Variants in CA10 observed in about 807,000 individuals in gnomAD.
CA10 encodes the protein carbonic anhydrase 10 (inactive), also known as carbonic anhydrase-related protein 10.
CA10 carries 14 observed loss-of-function variants against 44.2 expected under a neutral mutation model. That is an observed-to-expected ratio of 0.32 (90% CI 0.21 to 0.50). CA10 has a LOEUF of 0.50. Among genes scored for constraint, CA10 ranks in the 20% least tolerant of loss-of-function variants. The pLI is 0.99. For synonymous variants in CA10, 159 were observed against 141.6 expected (o/e 1.12, Z -0.87); for missense variants, 350 against 409.7 (o/e 0.85, Z 1.26).
chr17:51,947,034 A>G (rs907604288), intron 2 of CA10, among the ~76,000 whole-genome samples: 1 of 152,136 alleles, frequency 6.6e-6, no homozygotes, highest in Non-Finnish European at 1.5e-5. Context: ...TGATAAGCAG[A>G]GAGAAAAACA....
chr17:52,079,236 A>C (rs1333621502), intron 1 of CA10, among the ~76,000 whole-genome samples: 1 of 152,156 alleles, frequency 6.6e-6, no homozygotes, highest in Non-Finnish European at 1.5e-5. Context: ...CAGTGAGCCG[A>C]GATTGCACCA....
chr17:52,157,596 G>T, intron 1 of CA10, 130 bp downstream of exon 1: 1 of 780,244 alleles, frequency 1.3e-6, no homozygotes, highest in Non-Finnish European at 2.2e-6. Flanking sequence ...TCTGAAGGCG[G>T]CAAACCCGCA....
At chr17:51,687,695 G>T (rs1915053256) in intron 4 of CA10, among the ~76,000 whole-genome samples, 2 of 152,130 alleles carry the variant, frequency 1.3e-5, no homozygotes, top group African/African-American at 4.8e-5. Flanking sequence ...TATATTTTGA[G>T]ATTATTTACT....
At chr17:51,772,077 T>C (rs1905633266) in intron 3 of CA10, among the ~76,000 whole-genome samples, 1 of 152,208 alleles carries the variant, frequency 6.6e-6, no homozygotes, top group South Asian at 2.1e-4. Context: ...CCTACTTACT[T>C]TCCTCTATTT....
chr17:51,661,420 G>C (rs1019868987), intron 4 of CA10, among the ~76,000 whole-genome samples: 25 of 152,134 alleles, frequency 1.6e-4, no homozygotes, highest in African/African-American at 5.8e-4. Context: ...TGCAAAGCCT[G>C]GTTTCACCCT....
intron 4 of CA10, among the ~76,000 whole-genome samples, chr17:51,682,472 G>A (rs2143395093): frequency 6.6e-6 from 1 of 152,288 alleles, no homozygotes; most frequent in East Asian, 1.9e-4. Context: ...GGCAGAAGGT[G>A]GGTTTTATAA....
At chr17:51,935,521 A>G (rs566640116) in intron 2 of CA10, among the ~76,000 whole-genome samples, 1 of 152,328 alleles carries the variant, frequency 6.6e-6, no homozygotes, top group East Asian at 1.9e-4. Context: ...AACAGACCCA[A>G]ATATTTTTGC....
chr17:51,783,704 G>T (rs1447055844), intron 3 of CA10, among the ~76,000 whole-genome samples: 2 of 152,192 alleles, frequency 1.3e-5, no homozygotes, highest in Non-Finnish European at 2.9e-5. Flanking sequence ...TTAAAGGGGG[G>T]TCCTTTTCCT....
At chr17:51,694,514 T>A (rs1363427087) in intron 4 of CA10, among the ~76,000 whole-genome samples, 1 of 151,078 alleles carries the variant, frequency 6.6e-6, no homozygotes, top group African/African-American at 2.5e-5. Context: ...TTTTTTTGCT[T>A]CTTCGGTTGT....
At chr17:51,989,502 A>T (rs1295238247) in intron 2 of CA10, among the ~76,000 whole-genome samples, 1 of 152,080 alleles carries the variant, frequency 6.6e-6, no homozygotes, top group African/African-American at 2.4e-5. Context: ...CACATGCATG[A>T]GTATGTTCAT....
intron 3 of CA10, among the ~76,000 whole-genome samples, chr17:51,821,905 T>C (rs927793992): frequency 6.6e-6 from 1 of 152,240 alleles, no homozygotes; most frequent in Non-Finnish European, 1.5e-5. Flanking sequence ...TTCAATTTTC[T>C]CATTTGTAAA....
intron 3 of CA10, among the ~76,000 whole-genome samples, chr17:51,829,473 G>A (rs1908148662): frequency 6.6e-6 from 1 of 152,186 alleles, no homozygotes; most frequent in Non-Finnish European, 1.5e-5. Context: ...AATGAAGGCA[G>A]CCATGAGGAG....
chr17:51,868,148 C>T (rs556043990), intron 3 of CA10, among the ~76,000 whole-genome samples: 2 of 151,886 alleles, frequency 1.3e-5, no homozygotes, highest in African/African-American at 4.8e-5. Context: ...ATCTTATCTG[C>T]TGCTCGCTCT....
intron 2 of CA10, among the ~76,000 whole-genome samples, chr17:52,038,403 A>G (rs1986677562): frequency 6.6e-6 from 1 of 152,222 alleles, no homozygotes; most frequent in Non-Finnish European, 1.5e-5. Flanking sequence ...GCCCAAATAG[A>G]GCAGCTTATG....
intron 3 of CA10, 31 bp from the exon 4 acceptor site, chr17:51,747,849 G>A: frequency 6.4e-7 from 1 of 1,560,620 alleles, no homozygotes; most frequent in Admixed American, 1.8e-5. Context: ...GGTCAAGCAA[G>A]GCCCTCCTTC....
intron 3 of CA10, among the ~76,000 whole-genome samples, chr17:51,785,069 T>C (rs185826755): frequency 6.6e-6 from 1 of 152,332 alleles, no homozygotes; most frequent in Non-Finnish European, 1.5e-5. Flanking sequence ...AACATAATGA[T>C]CTCCAGTTCC....
At chr17:51,882,065 A>C (rs2143889398) in intron 3 of CA10, among the ~76,000 whole-genome samples, 1 of 145,464 alleles carries the variant, frequency 6.9e-6, no homozygotes, top group Non-Finnish European at 1.5e-5. Context: ...CGCAGTGGCA[A>C]CAAAAAAAAA....
intron 2 of CA10, among the ~76,000 whole-genome samples, chr17:52,012,995 T>C (rs11868835): frequency 0.11 from 16,242 of 152,034 alleles, 917 homozygotes; most frequent in South Asian, 0.16. Flanking sequence ...GGTGTACATA[T>C]AGACATCAAT....
chr17:52,018,109 C>T (rs1986025673), intron 2 of CA10, among the ~76,000 whole-genome samples: 1 of 152,126 alleles, frequency 6.6e-6, no homozygotes, highest in African/African-American at 2.4e-5. Flanking sequence ...AGCCTGGGTA[C>T]TCAGACAGAA....
Sources: gnomAD v4.1 joint callset for allele counts (sites outside exome capture counted in the v4.1 genomes callset) on GRCh38, gnomAD v4.1.1 for gene constraint, MANE v1.5 for transcripts, NCBI Gene and HGNC (gene_info 2026-07-23, HGNC 2026-07-21) for gene names.